ACACA: variants seen among roughly 807,000 people sequenced by gnomAD.
ACACA encodes the protein acetyl-CoA carboxylase 1.
Under a neutral mutation model 296.1 loss-of-function variants are expected in ACACA, and 103 were observed. The ratio of observed to expected loss-of-function variants is 0.35; its 90% CI spans 0.30 to 0.41. The LOEUF (loss-of-function observed/expected upper bound fraction) is 0.41. Ranked by LOEUF, ACACA falls within the 10% of genes least tolerant of loss-of-function variation. The pLI, the probability that ACACA is intolerant of heterozygous loss-of-function variation, is 1.00. For missense variants in ACACA, 1,554 were observed against 2,989.7 expected (o/e 0.52, Z 11.20); for synonymous variants, 953 against 1,038.6 (o/e 0.92, Z 1.58).
chr17:37,097,161 G>A lies in ACACA; in HGVS notation c.6726C>T (p.Ile2242=). The change falls in exon 54 of 56, where the codon ATC becomes ATT. Residue 2242 remains isoleucine, a synonymous_variant. Transcript: ENST00000616317. The surrounding 1 kb of genome is among the most constrained non-coding windows in gnomAD (Gnocchi z 4.8). ...RMQEKGVISD[I]LDWKTSRTFF... is the part of the protein sequence containing the mutation. Reference sequence around the variant, plus strand: ...AGGTACGGGATGTTTTCCAATCCAGGATATCCTACATGCAGAGAAGAATAA... The same window carrying A: ...AGGTACGGGATGTTTTCCAATCCAGAATATCCTACATGCAGAGAAGAATAA... 5.0e-6 allele frequency: 8 copies of A among 1,613,274 alleles called. No homozygotes were observed. The highest frequency in any genetic ancestry group is 6.8e-6 in the Non-Finnish European group (8 of 1,180,020).
chr17:37,320,364 A>G (rs1478011569), intron 3 of ACACA, among the ~76,000 whole-genome samples: 2 of 151,902 alleles, frequency 1.3e-5, no homozygotes, highest in Non-Finnish European at 2.9e-5. Context: ...AACAAAAATT[A>G]GCCAGGCATG....
intron 9 of ACACA, among the ~76,000 whole-genome samples, 157 bp from the exon 10 acceptor site, chr17:37,271,018 T>C (rs531042017): frequency 2.5e-4 from 38 of 152,212 alleles, no homozygotes; most frequent in African/African-American, 8.9e-4. Flanking sequence ...AAATAAATAG[T>C]AGAACAATAT....
At chr17:37,353,577 T>G (rs1215512747) in intron 1 of ACACA, among the ~76,000 whole-genome samples, 1 of 132,264 alleles carries the variant, frequency 7.6e-6, no homozygotes, top group African/African-American at 2.8e-5. Context: ...AGAAGGAGGT[T>G]GCAGTGAGCT....
intron 24 of ACACA, among the ~76,000 whole-genome samples, chr17:37,237,818 T>C (rs2080186236): frequency 6.6e-6 from 1 of 152,164 alleles, no homozygotes. Flanking sequence ...TGGAGTGCAG[T>C]GATGCAATCA....
chr17:37,237,026 C>G (rs976739032), intron 24 of ACACA, among the ~76,000 whole-genome samples: 4 of 152,108 alleles, frequency 2.6e-5, no homozygotes, highest in African/African-American at 4.8e-5. Context: ...AACTACTAAG[C>G]TGAATTTTAT....
intron 41 of ACACA, among the ~76,000 whole-genome samples, chr17:37,174,021 T>TATATATATATATATATATATATA (rs1491485396): frequency 7.9e-4 from 9 of 11,456 alleles, no homozygotes; most frequent in Non-Finnish European, 1.2e-3. Flanking sequence ...TATATATATA[T>TATATATATATATATATATATATA]TTTTTTTTTT....
chr17:37,175,069 C>T (rs1312776188), intron 41 of ACACA, among the ~76,000 whole-genome samples: 2 of 152,108 alleles, frequency 1.3e-5, no homozygotes, highest in Non-Finnish European at 2.9e-5. Flanking sequence ...AAACAGGGTC[C>T]TAATTTCTAC....
intron 1 of ACACA, chr17:37,377,810 A>C: frequency 8.0e-7 from 1 of 1,257,512 alleles, no homozygotes; most frequent in East Asian, 2.3e-5. Context: ...CTAAAAAGTA[A>C]GTACCAGTAA....
intron 17 of ACACA, 29 bp downstream of exon 17, chr17:37,248,564 G>A: frequency 6.6e-7 from 1 of 1,520,264 alleles, no homozygotes; most frequent in Non-Finnish European, 9.1e-7. Flanking sequence ...AAAAAAGTAA[G>A]GTGCAAGCTC....
intron 3 of ACACA, among the ~76,000 whole-genome samples, chr17:37,303,355 T>C (rs1029027294): frequency 6.6e-6 from 1 of 152,258 alleles, no homozygotes; most frequent in Non-Finnish European, 1.5e-5. Context: ...GAACAATATT[T>C]CAATGTGTGG....
At chr17:37,282,772 A>G (rs996422645) in intron 5 of ACACA, among the ~76,000 whole-genome samples, 5 of 152,228 alleles carry the variant, frequency 3.3e-5, no homozygotes, top group African/African-American at 1.2e-4. Flanking sequence ...TACAACTATC[A>G]GACAGAGAAC....
chr17:37,366,978 C>T (rs1236440974), intron 1 of ACACA: 5 of 152,022 alleles, frequency 3.3e-5, no homozygotes, highest in Non-Finnish European at 7.3e-5. Context: ...ATCCCAGCTA[C>T]TCAGGAGGCT....
chr17:37,185,903 A>T (rs2077513546), intron 39 of ACACA, among the ~76,000 whole-genome samples: 1 of 152,178 alleles, frequency 6.6e-6, no homozygotes, highest in Non-Finnish European at 1.5e-5. Context: ...TGCACATTGG[A>T]AATCAATTCA....
chr17:37,130,807 G>A (rs1188468104), intron 45 of ACACA, among the ~76,000 whole-genome samples: 1 of 152,078 alleles, frequency 6.6e-6, no homozygotes, highest in Non-Finnish European at 1.5e-5. Flanking sequence ...TAACATGCCT[G>A]TCTTTCAACA....
intron 1 of ACACA, among the ~76,000 whole-genome samples, chr17:37,347,626 G>C (rs905850877): frequency 6.6e-6 from 1 of 151,980 alleles, no homozygotes; most frequent in African/African-American, 2.4e-5. Flanking sequence ...TTTTAGGCCA[G>C]GTGCGGCGGC....
At chr17:37,388,644 C>G (rs759834542) in intron 1 of ACACA, 2 of 1,606,454 alleles carry the variant, frequency 1.2e-6, no homozygotes, top group Non-Finnish European at 1.7e-6. Context: ...TCTTTTCTCC[C>G]TCTTCCACTC....
At chr17:37,128,859 C>T (rs1273214884) in intron 47 of ACACA, among the ~76,000 whole-genome samples, 2 of 152,160 alleles carry the variant, frequency 1.3e-5, no homozygotes, top group Non-Finnish European at 2.9e-5. Flanking sequence ...GTACCAATAC[C>T]ATTACCAATA....
intron 29 of ACACA, among the ~76,000 whole-genome samples, chr17:37,213,824 G>A (rs942338424): frequency 1.6e-4 from 25 of 152,070 alleles, no homozygotes; most frequent in Non-Finnish European, 2.9e-4. Context: ...GCTGCTAGCT[G>A]AACCCTCTTT....
chr17:37,088,240 T>C (rs2072354621), intron 55 of ACACA, among the ~76,000 whole-genome samples: 1 of 152,210 alleles, frequency 6.6e-6, no homozygotes, highest in Non-Finnish European at 1.5e-5. Context: ...CATTTTATGA[T>C]GGTTATGTAA....
Sources: gnomAD v4.1 joint callset for allele counts (sites outside exome capture counted in the v4.1 genomes callset) on GRCh38, gnomAD v4.1.1 for gene constraint, Gnocchi (gnomAD v3.1) non-coding constraint, MANE v1.5 for transcripts, NCBI Gene and HGNC (gene_info 2026-07-23, HGNC 2026-07-21) for gene names.